KHDRBS2: variants seen among roughly 807,000 people sequenced by gnomAD.
KHDRBS2 encodes KH RNA binding domain containing, signal transduction associated 2.
Under a neutral mutation model 44.3 loss-of-function variants are expected in KHDRBS2, and 26 were observed. The observed-to-expected ratio is 0.59, with a 90% CI of 0.43 to 0.81. The LOEUF is 0.81. Ranked by LOEUF, KHDRBS2 falls within the 40% of genes least tolerant of loss-of-function variation. KHDRBS2 has a pLI of 0.00. For missense variants in KHDRBS2, 476 were observed against 433.1 expected (o/e 1.10, Z -0.88); for synonymous variants, 194 against 151.1 (o/e 1.28, Z -2.08).
intron 2 of KHDRBS2, among the ~76,000 whole-genome samples, chr6:62,171,166 G>A (rs1819921011): frequency 6.6e-6 from 1 of 151,982 alleles, no homozygotes; most frequent in Admixed American, 6.6e-5. Flanking sequence ...GTATGGATAG[G>A]AATGAAGATC....
At chr6:61,719,250 G>C (rs1771954202) in intron 7 of KHDRBS2, among the ~76,000 whole-genome samples, 1 of 152,054 alleles carries the variant, frequency 6.6e-6, no homozygotes, top group African/African-American at 2.4e-5. Flanking sequence ...TAGAATCAAA[G>C]ATCTGAATTG....
intron 3 of KHDRBS2, among the ~76,000 whole-genome samples, chr6:62,042,172 A>C (rs1312664983): frequency 6.6e-6 from 1 of 152,140 alleles, no homozygotes; most frequent in Non-Finnish European, 1.5e-5. Flanking sequence ...AGGACCTTTC[A>C]GTCTGTTACT....
Position 61,929,769 on chromosome 6 carries a change from C to A in KHDRBS2, c.484-28398G>T, listed in dbSNP as rs1346474874. Among the ~76,000 whole-genome samples the A allele has an allele frequency of 2.6e-5, 4 of 152,118 alleles. No homozygotes were observed. In the East Asian group the frequency reaches 5.8e-4, roughly 22 times the overall value. ...AAAAAGAGATATTATTTTCCTTCAA[C>A]AAATGTTAATCTACATTTCCTACAG... On this transcript the variant is annotated intron_variant, in intron 4 of 8. Transcript: ENST00000281156.
chr6:61,832,217 G>C (rs1051879378), intron 6 of KHDRBS2, among the ~76,000 whole-genome samples: 7 of 152,154 alleles, frequency 4.6e-5, no homozygotes, highest in African/African-American at 1.7e-4. Flanking sequence ...CTGGGCAATA[G>C]AGCAAGACAC....
intron 1 of KHDRBS2, among the ~76,000 whole-genome samples, chr6:62,265,825 G>A (rs1336792033): frequency 6.6e-6 from 1 of 151,964 alleles, no homozygotes; most frequent in Admixed American, 6.6e-5. Flanking sequence ...CAAACTACCA[G>A]CTATTTCTCT....
chr6:62,285,367 A>AT (rs1842341140), intron 1 of KHDRBS2, among the ~76,000 whole-genome samples: 1 of 152,234 alleles, frequency 6.6e-6, no homozygotes, highest in Admixed American at 6.5e-5. Context: ...TGCATAGTTT[A>AT]ATGCATAGGT....
At chr6:61,902,203 C>A (rs1324006873) in intron 4 of KHDRBS2, among the ~76,000 whole-genome samples, 1 of 152,182 alleles carries the variant, frequency 6.6e-6, no homozygotes, top group Non-Finnish European at 1.5e-5. Flanking sequence ...CCCACCTGGG[C>A]CTCCCAAAGT....
chr6:61,717,508 C>T (rs1041992087), intron 7 of KHDRBS2, among the ~76,000 whole-genome samples: 5 of 152,006 alleles, frequency 3.3e-5, no homozygotes, highest in African/African-American at 1.2e-4. Flanking sequence ...TAATTAAATC[C>T]AATAACCTTC....
chr6:62,070,415 T>G lies in KHDRBS2; in HGVS notation c.220-22421A>C, dbSNP rs558404307. 1.1e-4 allele frequency among the ~76,000 whole-genome samples: 16 copies of G among 152,176 alleles called. No individual in the cohort carries two copies. The South Asian group carries it at 3.3e-3, about 32-fold the overall frequency. ...CAGGTTTGTTACATATATATACATGTGCCATGTTGGTGTGCTGCACCCATT... is the reference window on the plus strand; with the variant it reads ...CAGGTTTGTTACATATATATACATGGGCCATGTTGGTGTGCTGCACCCATT... On this transcript the variant is annotated intron_variant, in intron 2 of 8. Coordinates refer to ENST00000281156, the MANE Select transcript of KHDRBS2 (RefSeq NM_152688.4).
the KHDRBS2 span, among the ~76,000 whole-genome samples, chr6:61,626,551 A>T: frequency 2.6e-5 from 4 of 152,340 alleles, no homozygotes; most frequent in East Asian, 7.7e-4. Context: ...CTTTGGACTT[A>T]TGTATTTTTT....
the KHDRBS2 span, among the ~76,000 whole-genome samples, chr6:61,557,013 C>T: frequency 6.7e-6 from 1 of 149,164 alleles, no homozygotes; most frequent in Admixed American, 6.8e-5. Flanking sequence ...TATAGTTTTG[C>T]ACCATCAGTG....
At chr6:62,270,221 G>A (rs1839851870) in intron 1 of KHDRBS2, among the ~76,000 whole-genome samples, 1 of 151,644 alleles carries the variant, frequency 6.6e-6, no homozygotes, top group Non-Finnish European at 1.5e-5. Context: ...TAAAGAGTAA[G>A]TTCTCACTCT....
intron 6 of KHDRBS2, among the ~76,000 whole-genome samples, chr6:61,763,218 G>A (rs1180915286): frequency 6.6e-6 from 1 of 152,082 alleles, no homozygotes; most frequent in Non-Finnish European, 1.5e-5. Flanking sequence ...CGACAGTAAG[G>A]GTGTTTGTTT....
At chr6:61,934,304 T>G (rs1051412407) in intron 4 of KHDRBS2, among the ~76,000 whole-genome samples, 4 of 152,228 alleles carry the variant, frequency 2.6e-5, no homozygotes, top group African/African-American at 9.6e-5. Flanking sequence ...TTTGGTTAGA[T>G]GTAATTCCAT....
chr6:62,150,802 G>C (rs1814995859), intron 2 of KHDRBS2, among the ~76,000 whole-genome samples: 1 of 152,100 alleles, frequency 6.6e-6, no homozygotes, highest in South Asian at 2.1e-4. Context: ...CCACAACCCA[G>C]TGAATATTTA....
chr6:62,123,793 A>G (rs1808290135), intron 2 of KHDRBS2, among the ~76,000 whole-genome samples: 1 of 152,206 alleles, frequency 6.6e-6, no homozygotes, highest in Non-Finnish European at 1.5e-5. Flanking sequence ...GCTATTTGAC[A>G]TCAGGCAGTC....
At chr6:61,738,067 C>CT (rs1775644441) in intron 6 of KHDRBS2, among the ~76,000 whole-genome samples, 1 of 151,840 alleles carries the variant, frequency 6.6e-6, no homozygotes, top group South Asian at 2.1e-4. Flanking sequence ...TGAAATGATA[C>CT]TTTTTCCGTT....
chr6:61,575,059 A>G, the KHDRBS2 span, among the ~76,000 whole-genome samples: 1 of 152,366 alleles, frequency 6.6e-6, no homozygotes, highest in African/African-American at 2.4e-5. Flanking sequence ...TTATGCCAAG[A>G]GTTCATGACC....
chr6:61,820,165 G>A (rs79909560), intron 6 of KHDRBS2, among the ~76,000 whole-genome samples: 10,103 of 152,084 alleles, frequency 0.066, 403 homozygotes, highest in Middle Eastern at 0.13. Context: ...TTGGTCAGTT[G>A]TGAAAAGAGT....
Sources: allele counts gnomAD v4.1 joint callset (sites outside exome capture counted in the v4.1 genomes callset), GRCh38; gene constraint gnomAD v4.1.1; transcripts MANE v1.5; gene names NCBI Gene and HGNC (gene_info 2026-07-23, HGNC 2026-07-21).